Variants in TAOK3 observed in about 807,000 individuals in gnomAD.
The protein encoded by TAOK3 is serine/threonine-protein kinase TAO3.
TAOK3 carries 40 observed loss-of-function variants against 120.4 expected under a neutral mutation model. The observed-to-expected ratio is 0.33, with a 90% confidence interval of 0.26 to 0.43. The LOEUF (loss-of-function observed/expected upper bound fraction) is 0.43, where lower values mean the gene tolerates loss of function less well. Ranked by LOEUF, TAOK3 falls within the 20% of genes least tolerant of loss-of-function variation. TAOK3 has a pLI of 1.00. For missense variants in TAOK3, 821 were observed against 1,112.1 expected (o/e 0.74, Z 3.72); for synonymous variants, 355 against 387.5 (o/e 0.92, Z 0.99).
chr12:118,198,172 C>T (rs978117340), intron 13 of TAOK3, among the ~76,000 whole-genome samples: 1 of 152,020 alleles, frequency 6.6e-6, no homozygotes, highest in African/African-American at 2.4e-5. Context: ...GCTTCTATGG[C>T]CTTCCCCTTT....
intron 14 of TAOK3, among the ~76,000 whole-genome samples, chr12:118,185,623 A>G (rs1565915700): frequency 6.6e-6 from 1 of 152,260 alleles, no homozygotes; most frequent in Non-Finnish European, 1.5e-5. Context: ...TACCTAAGGA[A>G]AAACTGTTTT....
chr12:118,362,673 C>A (rs977579492), intron 1 of TAOK3, among the ~76,000 whole-genome samples: 1 of 152,178 alleles, frequency 6.6e-6, no homozygotes, highest in Non-Finnish European at 1.5e-5. Flanking sequence ...TGAACATCCA[C>A]CTTCTGTTGA....
intron 1 of TAOK3, among the ~76,000 whole-genome samples, chr12:118,364,573 T>C (rs2141314852): frequency 6.6e-6 from 1 of 152,312 alleles, no homozygotes; most frequent in East Asian, 1.9e-4. Flanking sequence ...GATTAGATAC[T>C]AGGAGTAGAA....
At chr12:118,165,504 C>A (rs1408321259) in intron 17 of TAOK3, among the ~76,000 whole-genome samples, 1 of 152,232 alleles carries the variant, frequency 6.6e-6, no homozygotes, top group Non-Finnish European at 1.5e-5. Flanking sequence ...CCACAGAATA[C>A]CTACATCCGA....
chr12:118,212,973 C>A lies in TAOK3; in HGVS notation c.760G>T (p.Val254Phe). 2 of 1,612,668 alleles carry A rather than the reference C, an allele frequency of 1.2e-6. No homozygotes were observed. Among genetic ancestry groups the A allele is most frequent in the Non-Finnish European group, 1.7e-6 (2 of 1,179,534 alleles). Residue 254 changes from valine to phenylalanine, a missense_variant, in exon 11 of 21, where the codon GTT becomes TTT. Around this residue, in one of 2 missense-constraint regions of TAOK3, gnomAD observed 467 missense variants for 540.0 expected, o/e 0.86. Transcript: ENST00000392533. ...NEWTDSFRRF[V>F]DYCLQKIPQE... ...GGTATTTTCTGCAAGCAGTAATCAA[C>A]AAATCTCCTAAAGGAGTCTGTCCTG...
At chr12:118,151,426 T>C (rs2034428863) in intron 20 of TAOK3, among the ~76,000 whole-genome samples, 1 of 152,184 alleles carries the variant, frequency 6.6e-6, no homozygotes, top group African/African-American at 2.4e-5. Flanking sequence ...GGGGTCCACC[T>C]GGGGCTGGCA....
intron 1 of TAOK3, among the ~76,000 whole-genome samples, chr12:118,311,664 T>C (rs2043268715): frequency 6.6e-6 from 1 of 152,100 alleles, no homozygotes; most frequent in African/African-American, 2.4e-5. Flanking sequence ...AAAGATAGTA[T>C]TTAAAAACCA....
At chr12:118,356,636 C>T (rs150998215) in intron 1 of TAOK3, among the ~76,000 whole-genome samples, 36 of 151,946 alleles carry the variant, frequency 2.4e-4, no homozygotes, top group East Asian at 1.2e-3. Context: ...GATATGGCCA[C>T]GTGCAGTGGC....
intron 3 of TAOK3, among the ~76,000 whole-genome samples, chr12:118,248,105 GTTTC>G (rs1034352172): frequency 1.1e-4 from 16 of 150,410 alleles, no homozygotes; most frequent in Middle Eastern, 3.5e-3. Context: ...AGATACAATG[GTTTC>G]TTTATGATTT....
In TAOK3 at chr12:118,266,710, A is replaced by T. The variant is rs7965350; in HGVS notation, c.-144T>A. 0.13 allele frequency: 50,473 copies of T among 397,752 alleles called. 3,459 individuals carry two copies. The highest frequency in any genetic ancestry group is 0.14 in the Non-Finnish European group (32,163 of 225,680). 24.6% of individuals were successfully genotyped at this position (397,752 alleles called of 1,614,324 possible). ...TTGCTCAGATTCATTTTAGCAGCAA[A>T]CTTCTCTTTTCTCTTTTATAACTTC... On this transcript the variant is annotated 5_prime_UTR_variant, in exon 2 of 21. Transcript: ENST00000392533.
chr12:118,343,040 A>G (rs2044692126), intron 1 of TAOK3, among the ~76,000 whole-genome samples: 1 of 152,188 alleles, frequency 6.6e-6, no homozygotes, highest in South Asian at 2.1e-4. Flanking sequence ...GGCTTAAAAA[A>G]AAAAACTATC....
chr12:118,189,631 G>C (rs1407143309), intron 14 of TAOK3, among the ~76,000 whole-genome samples, 176 bp downstream of exon 14: 3 of 147,248 alleles, frequency 2.0e-5, no homozygotes, highest in Non-Finnish European at 4.5e-5. Flanking sequence ...TCTGAAATCA[G>C]GTTGCTATGC....
intron 9 of TAOK3, among the ~76,000 whole-genome samples, chr12:118,217,805 G>C (rs1395589889): frequency 2.3e-5 from 2 of 85,142 alleles, no homozygotes; most frequent in African/African-American, 8.9e-5. Flanking sequence ...GTATGTGTGT[G>C]TGTGTGTATA....
chr12:118,276,439 C>T (rs993741925), intron 1 of TAOK3, among the ~76,000 whole-genome samples: 4 of 152,160 alleles, frequency 2.6e-5, no homozygotes, highest in Admixed American at 6.5e-5. Context: ...CGGTGGCTCA[C>T]GCCTGTAATC....
At chr12:118,367,412 GT>G (rs776529823) in intron 1 of TAOK3, among the ~76,000 whole-genome samples, 232 of 140,384 alleles carry the variant, frequency 1.7e-3, no homozygotes, top group South Asian at 2.0e-3. Flanking sequence ...ATTTGAAATA[GT>G]TTTTTTTTTT....
intron 3 of TAOK3, among the ~76,000 whole-genome samples, chr12:118,248,147 C>A (rs11068887): frequency 0.035 from 4,932 of 142,038 alleles, 284 homozygotes; most frequent in East Asian, 0.26. Context: ...AAACAATAAA[C>A]AATAATGTAG....
chr12:118,288,658 G>C (rs2042350621), intron 1 of TAOK3, among the ~76,000 whole-genome samples: 2 of 152,182 alleles, frequency 1.3e-5, no homozygotes, highest in South Asian at 4.1e-4. Context: ...GCTCACGCCT[G>C]TAATCCCAGC....
intron 16 of TAOK3, 103 bp from the exon 17 acceptor site, chr12:118,172,763 G>T: frequency 9.3e-7 from 1 of 1,074,040 alleles, no homozygotes; most frequent in Non-Finnish European, 1.4e-6. Flanking sequence ...CAATGCAGAT[G>T]TAAGCACAGA....
intron 11 of TAOK3, among the ~76,000 whole-genome samples, chr12:118,207,359 C>T (rs2038381343): frequency 6.6e-6 from 1 of 151,430 alleles, no homozygotes; most frequent in South Asian, 2.1e-4. Flanking sequence ...AGAAAATCAC[C>T]CGAAATTCTA....
Sources: gnomAD v4.1 joint callset for allele counts (sites outside exome capture counted in the v4.1 genomes callset) on GRCh38, gnomAD v4.1.1 for gene constraint, gnomAD v4.1.1 regional missense constraint, MANE v1.5 for transcripts, NCBI Gene and HGNC (gene_info 2026-07-23, HGNC 2026-07-21) for gene names.